Variants in BICC1 observed in about 807,000 individuals in gnomAD.
BICC1 encodes protein bicaudal C homolog 1.
A neutral mutation model predicts 111.0 loss-of-function variants in BICC1; 43 were observed. That is an observed-to-expected ratio of 0.39 (90% confidence interval 0.30 to 0.50). The LOEUF (loss-of-function observed/expected upper bound fraction) is 0.50, where lower values mean the gene tolerates loss of function less well. BICC1 is among the 20% of genes least tolerant of loss of function. The probability of loss-of-function intolerance (pLI) is 0.88; values close to 1 mark genes in which losing one functional copy is unlikely to be tolerated. For synonymous variants in BICC1, 467 were observed against 434.4 expected, an observed-to-expected ratio of 1.07 and a Z score of -0.93; for missense variants, 1,091 against 1,203.2, an observed-to-expected ratio of 0.91 and a Z score of 1.38.
intron 2 of BICC1, among the ~76,000 whole-genome samples, chr10:58,626,164 G>A (rs768718661): frequency 6.6e-6 from 1 of 152,158 alleles, no homozygotes; most frequent in African/African-American, 2.4e-5. Flanking sequence ...GGTTTCTGAA[G>A]GTTCACTGAG....
intron 3 of BICC1, among the ~76,000 whole-genome samples, chr10:58,760,465 T>G (rs1252791749): frequency 6.6e-6 from 1 of 152,160 alleles, no homozygotes; most frequent in Non-Finnish European, 1.5e-5. Context: ...GTTTTCTGAA[T>G]CATTTATTTA....
At chr10:58,601,140 T>TTATATATATA (rs71033690) in intron 1 of BICC1, among the ~76,000 whole-genome samples, 2,963 of 100,232 alleles carry the variant, frequency 0.03, 71 homozygotes, top group Non-Finnish European at 0.039. Flanking sequence ...ATTTTAAAAC[T>TTATATATATA]TATATATATA....
chr10:58,684,424 T>C (rs1287813519), intron 2 of BICC1, among the ~76,000 whole-genome samples: 1 of 152,226 alleles, frequency 6.6e-6, no homozygotes, highest in Non-Finnish European at 1.5e-5. Flanking sequence ...CTTTTTCTTT[T>C]GATTGGAATA....
chr10:58,712,259 A>G (rs983694168), intron 3 of BICC1, among the ~76,000 whole-genome samples: 8 of 152,224 alleles, frequency 5.3e-5, no homozygotes, highest in Non-Finnish European at 7.3e-5. Context: ...TGGGAATGCA[A>G]AATGGTACAG....
intron 1 of BICC1, among the ~76,000 whole-genome samples, chr10:58,577,945 A>T (rs957872269): frequency 1.3e-5 from 2 of 152,198 alleles, no homozygotes; most frequent in Non-Finnish European, 2.9e-5. Context: ...CTCTATGTGC[A>T]AATAGAGTTT....
At chr10:58,689,241 A>G (rs987585553) in intron 2 of BICC1, among the ~76,000 whole-genome samples, 2 of 152,146 alleles carry the variant, frequency 1.3e-5, no homozygotes, top group Admixed American at 1.3e-4. Flanking sequence ...GCCTTTGTTC[A>G]CATGTGGTAA....
intron 3 of BICC1, among the ~76,000 whole-genome samples, chr10:58,707,753 A>G (rs1460906172): frequency 6.6e-6 from 1 of 151,822 alleles, no homozygotes; most frequent in Non-Finnish European, 1.5e-5. Context: ...GCTGGAGTGC[A>G]ATGGCGCAAT....
intron 2 of BICC1, among the ~76,000 whole-genome samples, chr10:58,627,746 C>G (rs971694286): frequency 1.3e-5 from 2 of 152,016 alleles, no homozygotes; most frequent in African/African-American, 4.8e-5. Flanking sequence ...GTTTTTATAT[C>G]TTAGCGGGGG....
chr10:58,589,291 A>G (rs1300268925), intron 1 of BICC1, among the ~76,000 whole-genome samples: 2 of 152,136 alleles, frequency 1.3e-5, no homozygotes, highest in African/African-American at 4.8e-5. Flanking sequence ...GGTACTTGTC[A>G]CAGGGTCAGC....
intron 1 of BICC1, among the ~76,000 whole-genome samples, chr10:58,616,382 ACTTTGT>A (rs1369344394): frequency 1.3e-5 from 2 of 152,226 alleles, no homozygotes; most frequent in Non-Finnish European, 2.9e-5. Flanking sequence ...AGTACTCTTA[ACTTTGT>A]GCAATTCCAG....
At chr10:58,630,454 GGTTTTGCTCT>G (rs1407630908) in intron 2 of BICC1, among the ~76,000 whole-genome samples, 1 of 152,102 alleles carries the variant, frequency 6.6e-6, no homozygotes, top group East Asian at 1.9e-4. Context: ...TAAAGAGATG[GGTTTTGCTCT>G]GTTGCCCAGG....
intron 2 of BICC1, among the ~76,000 whole-genome samples, chr10:58,679,666 C>T (rs1044401822): frequency 2.6e-5 from 4 of 152,098 alleles, no homozygotes; most frequent in African/African-American, 9.7e-5. Flanking sequence ...AAAAGAGAGA[C>T]TCCTCTCTAA....
chr10:58,565,267 T>C (rs879762231), intron 1 of BICC1, among the ~76,000 whole-genome samples: 1 of 152,248 alleles, frequency 6.6e-6, no homozygotes, highest in Non-Finnish European at 1.5e-5. Context: ...GCATCTGTTA[T>C]GTCCATGTGC....
At chr10:58,801,848 T>C (rs746075341) in intron 14 of BICC1, among the ~76,000 whole-genome samples, 2 of 152,210 alleles carry the variant, frequency 1.3e-5, no homozygotes, top group Non-Finnish European at 1.5e-5. Flanking sequence ...TGTTTTTCTT[T>C]ACATGGAGCT....
intron 3 of BICC1, among the ~76,000 whole-genome samples, chr10:58,729,628 A>T (rs1351280581): frequency 6.6e-6 from 1 of 152,190 alleles, no homozygotes; most frequent in Non-Finnish European, 1.5e-5. Context: ...GTTTTACAGA[A>T]GGTATGGTGG....
intron 3 of BICC1, among the ~76,000 whole-genome samples, chr10:58,772,322 T>A (rs1408274582): frequency 3.3e-5 from 5 of 152,202 alleles, no homozygotes; most frequent in Non-Finnish European, 7.3e-5. Context: ...ACAATTAGAT[T>A]CAGTTGTGGC....
chr10:58,534,685 G>A (rs983472173), intron 1 of BICC1, among the ~76,000 whole-genome samples: 1 of 151,476 alleles, frequency 6.6e-6, no homozygotes, highest in East Asian at 1.9e-4. Flanking sequence ...TGAAAAAACA[G>A]GGTTCTGTAA....
Position 58,798,572 on chromosome 10 carries a change from T to C in BICC1, c.1528+12T>C, listed in dbSNP as rs780816539. The C allele has an allele frequency of 6.4e-7, 1 of 1,573,080 alleles. No individual in the cohort carries two copies. The highest frequency in any genetic ancestry group is 2.0e-5 in the Admixed American group (1 of 50,738). On this transcript the variant is annotated intron_variant, in intron 11 of 20. Transcript: ENST00000373886. Reference sequence around the variant, plus strand: ...TTCAAGTGCCACAGGTCAGTATCATTTAAGTATATTCCAAGTTGTGTATTC... The same window carrying C: ...TTCAAGTGCCACAGGTCAGTATCATCTAAGTATATTCCAAGTTGTGTATTC...
chr10:58,788,478 AAG>A, intron 6 of BICC1, 55 bp downstream of exon 6: 2 of 1,182,424 alleles, frequency 1.7e-6, no homozygotes, highest in South Asian at 2.6e-5. Flanking sequence ...TTTGCATTAT[AAG>A]GCACTAAAAA....
Sources: gnomAD v4.1 joint callset for allele counts (sites outside exome capture counted in the v4.1 genomes callset) on GRCh38, gnomAD v4.1.1 for gene constraint, MANE v1.5 for transcripts, NCBI Gene and HGNC (gene_info 2026-07-23, HGNC 2026-07-21) for gene names.